DENND5B: variants seen among roughly 807,000 people sequenced by gnomAD.
DENND5B encodes DENN domain containing 5B.
In DENND5B, 34 loss-of-function variants were observed where a neutral mutation model predicts 140.6. The observed-to-expected ratio is 0.24, with a 90% CI of 0.18 to 0.32. The LOEUF (loss-of-function observed/expected upper bound fraction) is 0.32. Ranked by LOEUF, DENND5B falls within the 10% of genes least tolerant of loss-of-function variation. The pLI is 1.00. For missense variants in DENND5B, 1,142 were observed against 1,560.2 expected, an observed-to-expected ratio of 0.73 and a Z score of 4.52; for synonymous variants, 551 against 562.1, an observed-to-expected ratio of 0.98 and a Z score of 0.28.
chr12:31,450,605 C>A lies in DENND5B; in HGVS notation c.1629+1335G>T, dbSNP rs956471054. Among the ~76,000 whole-genome samples, 12 of 152,186 alleles carry A rather than the reference C, an allele frequency of 7.9e-5. No homozygotes were observed. In the South Asian group the frequency reaches 1.2e-3, roughly 16 times the overall value. On this transcript the variant is annotated intron_variant, in intron 5 of 20. Transcript: ENST00000389082. ...CTCCTGGCCTCAAATGATCCTCCAG[C>A]CTCAACCTCCTAGTGTTGGGATTAC...
At chr12:31,537,645 G>C (rs115418779) in intron 1 of DENND5B, among the ~76,000 whole-genome samples, 1 of 151,852 alleles carries the variant, frequency 6.6e-6, no homozygotes, top group African/African-American at 2.4e-5. Context: ...AATGTAAATG[G>C]ACTACATTCT....
intron 12 of DENND5B, 111 bp from the exon 13 acceptor site, chr12:31,413,675 C>T (rs1410889760): frequency 4.2e-6 from 5 of 1,177,354 alleles, no homozygotes; most frequent in African/African-American, 1.5e-5. Context: ...TTAAAGGGAG[C>T]AATGGATAAT....
intron 1 of DENND5B, among the ~76,000 whole-genome samples, chr12:31,538,465 G>C (rs1385700835): frequency 2.6e-5 from 4 of 152,084 alleles, no homozygotes; most frequent in Non-Finnish European, 5.9e-5. Flanking sequence ...ATAGCTATAA[G>C]TGCCTACATC....
intron 7 of DENND5B, among the ~76,000 whole-genome samples, chr12:31,435,111 C>T (rs906242403): frequency 2.0e-5 from 3 of 152,104 alleles, no homozygotes; most frequent in Admixed American, 6.6e-5. Flanking sequence ...CCCCAAACCC[C>T]GGATGAAGAC....
intron 20 of DENND5B, among the ~76,000 whole-genome samples, chr12:31,388,096 C>T (rs958664444): frequency 6.7e-6 from 1 of 150,002 alleles, no homozygotes; most frequent in African/African-American, 2.5e-5. Flanking sequence ...TCTGATTTTA[C>T]CACCTTTAGA....
chr12:31,393,854 A>AT (rs950510934), intron 17 of DENND5B, among the ~76,000 whole-genome samples: 7 of 151,836 alleles, frequency 4.6e-5, no homozygotes, highest in Non-Finnish European at 1.0e-4. Context: ...TGCATGGCTA[A>AT]TTTTTTTGTA....
intron 1 of DENND5B, among the ~76,000 whole-genome samples, chr12:31,577,074 A>G (rs966391436): frequency 3.9e-5 from 6 of 152,168 alleles, no homozygotes; most frequent in Admixed American, 3.3e-4. Flanking sequence ...TCTTTGAAGA[A>G]GGGATTAGAG....
chr12:31,449,735 T>TGTTGTTG, intron 5 of DENND5B, among the ~76,000 whole-genome samples: 1 of 138,140 alleles, frequency 7.2e-6, no homozygotes, highest in East Asian at 2.1e-4. Context: ...AGATTAGTTT[T>TGTTGTTG]TTTTTTTTTT....
chr12:31,565,624 T>C (rs1458594714), intron 1 of DENND5B, among the ~76,000 whole-genome samples: 1 of 152,214 alleles, frequency 6.6e-6, no homozygotes, highest in Non-Finnish European at 1.5e-5. Context: ...ATAAATGCCC[T>C]GCTCTCTATC....
chr12:31,421,066 T>A (rs969243318), intron 11 of DENND5B, among the ~76,000 whole-genome samples: 11 of 152,150 alleles, frequency 7.2e-5, no homozygotes, highest in Admixed American at 2.6e-4. Context: ...GTTTTTGACA[T>A]GGAGTCTCAC....
intron 7 of DENND5B, 87 bp from the exon 8 acceptor site, chr12:31,433,335 AT>A: frequency 8.8e-7 from 1 of 1,140,840 alleles, no homozygotes. Context: ...TGACACACAC[AT>A]TTTAAAATCA....
intron 14 of DENND5B, among the ~76,000 whole-genome samples, chr12:31,404,980 G>A (rs1264471695): frequency 6.6e-6 from 1 of 151,736 alleles, no homozygotes; most frequent in East Asian, 1.9e-4. Flanking sequence ...GGATGGTCTC[G>A]AACTCCTGAC....
At chr12:31,419,091 T>C (rs1022782667) in intron 11 of DENND5B, among the ~76,000 whole-genome samples, 1 of 152,222 alleles carries the variant, frequency 6.6e-6, no homozygotes, top group Non-Finnish European at 1.5e-5. Flanking sequence ...CCACTTCTTT[T>C]ATCTAGAGAC....
chr12:31,405,662 C>T (rs1298653671), intron 14 of DENND5B, among the ~76,000 whole-genome samples: 2 of 151,952 alleles, frequency 1.3e-5, no homozygotes, highest in East Asian at 3.9e-4. Flanking sequence ...ATTCTCCTGC[C>T]TTAGCCTCCC....
intron 4 of DENND5B, among the ~76,000 whole-genome samples, chr12:31,454,812 CTT>C (rs201720111): frequency 7.9e-4 from 74 of 93,888 alleles, no homozygotes; most frequent in African/African-American, 3.6e-3. Flanking sequence ...GATTCAGTAT[CTT>C]TTTTTTTTTT....
chr12:31,514,276 T>C (rs75404421), intron 1 of DENND5B, among the ~76,000 whole-genome samples: 2,559 of 152,310 alleles, frequency 0.017, 72 homozygotes, highest in African/African-American at 0.058. Flanking sequence ...TAGTCAAGGT[T>C]TGTAGTAGGC....
chr12:31,533,487 TA>T (rs1948368102), intron 1 of DENND5B, among the ~76,000 whole-genome samples: 1 of 152,210 alleles, frequency 6.6e-6, no homozygotes, highest in African/African-American at 2.4e-5. Context: ...AGCCTCAATA[TA>T]ATAATCATCC....
At chr12:31,545,907 C>T (rs1948837924) in intron 1 of DENND5B, among the ~76,000 whole-genome samples, 1 of 121,054 alleles carries the variant, frequency 8.3e-6, no homozygotes, top group South Asian at 2.9e-4. Flanking sequence ...GTCAGGATCA[C>T]AACACTGCAC....
rs141702066 is a variant in DENND5B at position 31,500,446 on chromosome 12, G to A, written c.128-4527C>T. The A allele has an allele frequency of 9.7e-3, 4,327 of 444,512 alleles. 45 individuals are homozygous for A. Among genetic ancestry groups the A allele is most frequent in the Middle Eastern group, 0.018 (25 of 1,398 alleles). The allele number at this position is 444,512 out of a possible 1,614,324, so 27.5% of individuals were successfully genotyped here. On this transcript the variant is annotated intron_variant, in intron 1 of 20. Transcript: ENST00000389082. ...TGTAATCTCAGCACTTCGGGAGGCC[G>A]AGGCAGGTGAATTGCTTGAGGTCAG...
Sources: gnomAD v4.1 joint callset for allele counts (sites outside exome capture counted in the v4.1 genomes callset) on GRCh38, gnomAD v4.1.1 for gene constraint, MANE v1.5 for transcripts, NCBI Gene and HGNC (gene_info 2026-07-23, HGNC 2026-07-21) for gene names.